The following EXOC6 variants were observed in gnomAD, a reference collection of about 807,000 sequenced individuals.
EXOC6 encodes the protein SEC15-like 1.
In EXOC6, 60 loss-of-function variants were observed where a neutral mutation model predicts 112.5. The ratio of observed to expected loss-of-function variants is 0.53; its 90% CI spans 0.43 to 0.66. The LOEUF (loss-of-function observed/expected upper bound fraction) is 0.66, where lower values mean the gene tolerates loss of function less well. Among genes scored for constraint, EXOC6 ranks in the 30% least tolerant of loss-of-function variants. The probability of loss-of-function intolerance (pLI) is 0.00; values close to 1 mark genes in which losing one functional copy is unlikely to be tolerated. For synonymous variants in EXOC6, 295 were observed against 308.0 expected (o/e 0.96, Z 0.44); for missense variants, 855 against 957.1 (o/e 0.89, Z 1.41).
intron 20 of EXOC6, among the ~76,000 whole-genome samples, chr10:93,014,578 A>G (rs1238413032): frequency 6.6e-6 from 1 of 152,210 alleles, no homozygotes; most frequent in African/African-American, 2.4e-5. Context: ...TTATTTCTTA[A>G]TAATCTCATG....
At chr10:92,845,232 A>G (rs981110832), upstream of EXOC6, among the ~76,000 whole-genome samples, 4 of 152,258 alleles carry the variant, frequency 2.6e-5, no homozygotes, top group East Asian at 5.8e-4. Context: ...GCTACTCCGC[A>G]ACCTTCTCAG....
chr10:92,864,419 CTTTG>C (rs1315020590), intron 1 of EXOC6, among the ~76,000 whole-genome samples: 1 of 152,168 alleles, frequency 6.6e-6, no homozygotes, highest in Non-Finnish European at 1.5e-5. Context: ...AGCACTGGTT[CTTTG>C]TTTGGGGTCT....
At chr10:92,914,906 TA>T (rs1463145772) in intron 6 of EXOC6, among the ~76,000 whole-genome samples, 1 of 152,244 alleles carries the variant, frequency 6.6e-6, no homozygotes, top group Non-Finnish European at 1.5e-5. Flanking sequence ...ATTAAGTTTA[TA>T]TTTTTTTCTA....
At chr10:92,973,748 T>G (rs1360593678) in intron 17 of EXOC6, among the ~76,000 whole-genome samples, 1 of 152,214 alleles carries the variant, frequency 6.6e-6, no homozygotes, top group East Asian at 1.9e-4. Context: ...TTTCTACTTC[T>G]GTTTCTCCTA....
In EXOC6 at chr10:92,841,757, G is replaced by A. The variant is rs191799328; in HGVS notation, c.86+6933G>A. On this transcript the variant is annotated intron_variant, in intron 1 of 21. Transcript: ENST00000371552. ...TTGCTTATTTAGTGGTTAAGTGAAT[G>A]GGTTTTGGAACCAGAAGGATATGGG... 4.6e-5 allele frequency among the ~76,000 whole-genome samples: 7 copies of A among 152,274 alleles called. No homozygotes were observed. In the East Asian group the frequency reaches 1.2e-3, roughly 25 times the overall value.
At chr10:93,002,554 C>A (rs1843802879) in intron 19 of EXOC6, among the ~76,000 whole-genome samples, 1 of 152,154 alleles carries the variant, frequency 6.6e-6, no homozygotes, top group African/African-American at 2.4e-5. Context: ...CCAGTTGATT[C>A]TGTTGCATGA....
At chr10:93,013,372 G>A (rs939831581) in intron 19 of EXOC6, among the ~76,000 whole-genome samples, 2 of 152,022 alleles carry the variant, frequency 1.3e-5, no homozygotes, top group East Asian at 3.9e-4. Flanking sequence ...TTGGGAGGCC[G>A]AGGCAGGTGG....
intron 18 of EXOC6, among the ~76,000 whole-genome samples, chr10:92,977,234 G>T (rs373343680): frequency 2.6e-5 from 4 of 151,756 alleles, no homozygotes; most frequent in East Asian, 1.9e-4. Context: ...AACCTACACA[G>T]CTGCGCCCAA....
intron 20 of EXOC6, among the ~76,000 whole-genome samples, chr10:93,050,833 C>G (rs1396211177): frequency 6.7e-6 from 1 of 148,682 alleles, no homozygotes; most frequent in Non-Finnish European, 1.5e-5. Flanking sequence ...GATTGCACCA[C>G]TGCACTCCAG....
At chr10:93,025,642 A>G (rs1267231895) in intron 20 of EXOC6, among the ~76,000 whole-genome samples, 1 of 152,212 alleles carries the variant, frequency 6.6e-6, no homozygotes, top group East Asian at 1.9e-4. Context: ...CAAACTAGAG[A>G]AAAGAGGAGT....
intron 1 of EXOC6, among the ~76,000 whole-genome samples, chr10:92,829,436 C>A (rs1457001778): frequency 6.6e-6 from 1 of 152,194 alleles, no homozygotes. Flanking sequence ...TAACCTCACT[C>A]CATACGTGTC....
At chr10:93,008,866 C>T (rs1041326948) in intron 19 of EXOC6, among the ~76,000 whole-genome samples, 7 of 152,136 alleles carry the variant, frequency 4.6e-5, no homozygotes, top group African/African-American at 1.7e-4. Context: ...TATATAAATA[C>T]ACTAAGTGTA....
At chr10:92,888,603 A>C (rs1178831502) in intron 1 of EXOC6, among the ~76,000 whole-genome samples, 2 of 152,182 alleles carry the variant, frequency 1.3e-5, no homozygotes, top group Non-Finnish European at 2.9e-5. Flanking sequence ...CTCCAATGTG[A>C]TAATTGTAAT....
At chr10:92,866,271 A>G (rs1848172626) in intron 1 of EXOC6, among the ~76,000 whole-genome samples, 1 of 152,208 alleles carries the variant, frequency 6.6e-6, no homozygotes, top group African/African-American at 2.4e-5. Flanking sequence ...TGTCTGTTGT[A>G]CACAAGAATT....
At chr10:92,899,371 A>G (rs1232938210) in intron 4 of EXOC6, among the ~76,000 whole-genome samples, 1 of 152,134 alleles carries the variant, frequency 6.6e-6, no homozygotes, top group Non-Finnish European at 1.5e-5. Flanking sequence ...ATACATTTAT[A>G]TGTATATATG....
At chr10:92,877,627 G>A (rs2133752845) in intron 1 of EXOC6, among the ~76,000 whole-genome samples, 1 of 152,132 alleles carries the variant, frequency 6.6e-6, no homozygotes, top group East Asian at 1.9e-4. Flanking sequence ...TTTTCTTTCT[G>A]ATTCTTCTGC....
intron 19 of EXOC6, among the ~76,000 whole-genome samples, chr10:93,000,379 AG>A (rs1197853599): frequency 6.6e-6 from 1 of 152,180 alleles, no homozygotes; most frequent in Non-Finnish European, 1.5e-5. Context: ...ATCCTGCCAT[AG>A]GATAGTTTCC....
At position 93,056,939 on chromosome 10, in the gene EXOC6, A is replaced by G; in HGVS notation, c.2185A>G (p.Met729Val). ...TCTTTCGCAGCTCCTTGACCTGTTT[A>G]TGGTTTGGGATTGGTCTACTTACCT... is the stretch of plus-strand genomic sequence containing the variant. The part of the protein sequence containing the change: ...IDLRQLLDLF[M>V]VWDWSTYLAD... Residue 729 changes from methionine (M) to valine (V), a missense_variant, in exon 21 of 22, where the codon ATG (methionine) becomes GTG (valine). Physicochemically the swap from Met to Val is conservative, Grantham distance 21. Coordinates refer to ENST00000260762, the MANE Select transcript of EXOC6 (RefSeq NM_019053.6). 1.9e-6 allele frequency: 3 copies of G among 1,596,504 alleles called. No individual in the cohort carries two copies. Among genetic ancestry groups the G allele is most frequent in the Admixed American group, 1.8e-5 (1 of 56,352 alleles).
intron 13 of EXOC6, among the ~76,000 whole-genome samples, chr10:92,943,905 C>G (rs1023947046): frequency 2.0e-5 from 3 of 152,170 alleles, no homozygotes; most frequent in Non-Finnish European, 4.4e-5. Flanking sequence ...TTCTGATCGC[C>G]CTACCCTCTG....
Sources: gnomAD v4.1 joint callset for allele counts (sites outside exome capture counted in the v4.1 genomes callset) on GRCh38, gnomAD v4.1.1 for gene constraint, MANE v1.5 for transcripts, NCBI Gene and HGNC (gene_info 2026-07-23, HGNC 2026-07-21) for gene names.